The following GRIP1 variants were observed in gnomAD, a reference collection of about 807,000 sequenced individuals.
GRIP1 encodes glutamate receptor-interacting protein 1.
In GRIP1, 45 loss-of-function variants were observed where a neutral mutation model predicts 129.9. The ratio of observed to expected loss-of-function variants is 0.35; its 90% CI spans 0.27 to 0.44. The LOEUF is 0.44. Ranked by LOEUF, GRIP1 falls within the 20% of genes least tolerant of loss-of-function variation. The pLI, the probability that GRIP1 is intolerant of heterozygous loss-of-function variation, is 1.00. For synonymous variants in GRIP1, 530 were observed against 520.8 expected, an observed-to-expected ratio of 1.02 and a Z score of -0.24; for missense variants, 1,196 against 1,396.8, an observed-to-expected ratio of 0.86 and a Z score of 2.29.
intron 1 of GRIP1, among the ~76,000 whole-genome samples, chr12:66,669,557 C>A (rs1592723726): frequency 1.3e-5 from 2 of 152,204 alleles, no homozygotes; most frequent in East Asian, 3.9e-4. Context: ...TACAGATAAA[C>A]AAAGAATTAT....
intron 1 of GRIP1, among the ~76,000 whole-genome samples, chr12:66,860,496 T>C (rs1486541414): frequency 6.6e-6 from 1 of 152,096 alleles, no homozygotes; most frequent in Non-Finnish European, 1.5e-5. Flanking sequence ...TCTTCACATT[T>C]GAAAGGAAAT....
At chr12:66,994,910 G>A (rs1181855610) in intron 1 of GRIP1, among the ~76,000 whole-genome samples, 1 of 152,052 alleles carries the variant, frequency 6.6e-6, no homozygotes, top group Non-Finnish European at 1.5e-5. Context: ...AAAGAAAAAA[G>A]TTGAAGGATT....
chr12:66,437,273 G>T (rs946007084), intron 13 of GRIP1, among the ~76,000 whole-genome samples: 1 of 152,154 alleles, frequency 6.6e-6, no homozygotes, highest in Non-Finnish European at 1.5e-5. Flanking sequence ...GGCTAGAAAG[G>T]ATTTTTCTGA....
intron 2 of GRIP1, among the ~76,000 whole-genome samples, chr12:66,546,389 C>T (rs2061947018): frequency 6.6e-6 from 1 of 151,756 alleles, no homozygotes; most frequent in Non-Finnish European, 1.5e-5. Flanking sequence ...ACTCAGGAGG[C>T]TGAGGCAGTA....
At chr12:66,515,543 A>T in intron 7 of GRIP1, 76 bp downstream of exon 7, 1 of 1,318,710 alleles carries the variant, frequency 7.6e-7, no homozygotes, top group Non-Finnish European at 1.1e-6. Context: ...ATACATACTT[A>T]ATCCAACATG....
At chr12:66,863,980 T>C (rs576541320) in intron 1 of GRIP1, among the ~76,000 whole-genome samples, 1 of 152,110 alleles carries the variant, frequency 6.6e-6, no homozygotes, top group Admixed American at 6.6e-5. Flanking sequence ...CACTAGAAGG[T>C]TTTGAGCAGA....
At chr12:67,011,623 T>G (rs1160543054) in intron 1 of GRIP1, among the ~76,000 whole-genome samples, 1 of 152,000 alleles carries the variant, frequency 6.6e-6, no homozygotes, top group Non-Finnish European at 1.5e-5. Context: ...TTTTTTTTTT[T>G]GTCCTTCAGG....
chr12:66,754,157 A>G (rs893577420), intron 1 of GRIP1, among the ~76,000 whole-genome samples: 6 of 152,192 alleles, frequency 3.9e-5, no homozygotes, highest in African/African-American at 1.4e-4. Flanking sequence ...GATTTTCCAG[A>G]GTAGTTTTAT....
intron 2 of GRIP1, among the ~76,000 whole-genome samples, chr12:66,547,578 A>G (rs540022447): frequency 1.4e-4 from 22 of 152,340 alleles, no homozygotes; most frequent in Admixed American, 9.8e-4. Flanking sequence ...ATACCACGGA[A>G]TACTTCTCAG....
chr12:66,769,852 C>T (rs2037763066), intron 1 of GRIP1, among the ~76,000 whole-genome samples: 1 of 152,124 alleles, frequency 6.6e-6, no homozygotes, highest in African/African-American at 2.4e-5. Flanking sequence ...CTTTCCCATC[C>T]CACCTTGCTG....
chr12:67,059,137 G>A (rs1415716623), intron 1 of GRIP1, among the ~76,000 whole-genome samples: 1 of 152,176 alleles, frequency 6.6e-6, no homozygotes, highest in Admixed American at 6.5e-5. Context: ...ACTAAGACAG[G>A]TGGAACTGAG....
At chr12:66,719,122 C>T (rs2136436592) in intron 1 of GRIP1, among the ~76,000 whole-genome samples, 1 of 151,782 alleles carries the variant, frequency 6.6e-6, no homozygotes, top group East Asian at 1.9e-4. Flanking sequence ...CATATAGAGG[C>T]AAAAAACAAT....
intron 5 of GRIP1, among the ~76,000 whole-genome samples, chr12:66,525,488 T>C (rs1396388450): frequency 6.6e-5 from 10 of 151,908 alleles, no homozygotes; most frequent in Admixed American, 3.3e-4. Flanking sequence ...CAACACTTCA[T>C]GCTAAAAACT....
chr12:66,916,567 T>A (rs1183035027), intron 1 of GRIP1, among the ~76,000 whole-genome samples: 1 of 152,078 alleles, frequency 6.6e-6, no homozygotes, highest in Non-Finnish European at 1.5e-5. Flanking sequence ...AACCTCCAAA[T>A]AAAAAATATT....
chr12:66,907,031 G>A (rs1238081421), intron 1 of GRIP1, among the ~76,000 whole-genome samples: 3 of 152,008 alleles, frequency 2.0e-5, no homozygotes, highest in Admixed American at 1.3e-4. Context: ...TTCTACTATG[G>A]TCCTTCTGTT....
In GRIP1 at chr12:66,401,627, C is replaced by T. The variant is rs866580056; in HGVS notation, c.1984+4656G>A. ...ATATATATACACACACACACACACA[C>T]ACACACACACACACACACACACACA... On this transcript the variant is annotated intron_variant, in intron 16 of 24. Coordinates refer to ENST00000359742, the MANE Select transcript of GRIP1 (RefSeq NM_001366722.1). Among the ~76,000 whole-genome samples, 785 of 136,712 alleles carry T rather than the reference C, an allele frequency of 5.7e-3. 10 individuals are homozygous for T. Among genetic ancestry groups the T allele is most frequent in the South Asian group, 0.016 (70 of 4,300 alleles). 89.7% of individuals were successfully genotyped at this position (136,712 alleles called of 152,430 possible). A position where few individuals can be genotyped will look rare whatever the true frequency, so the allele number is the denominator to read the frequency against.
rs2037304565 is a variant in GRIP1 at position 66,756,810 on chromosome 12, A to G, written c.-420+47243T>C. Among the ~76,000 whole-genome samples the G allele has an allele frequency of 7.9e-5, 12 of 152,328 alleles. No homozygotes were observed. The South Asian group carries it at 2.3e-3, about 29-fold the overall frequency. ...GTTAATCAAGAACTTGTCTGAGACC[A>G]CAGAGCCAATGAATGGCAAAGCTGG... is the stretch of plus-strand genomic sequence containing the variant. On this transcript the variant is annotated intron_variant, in intron 1 of 4. Coordinates refer to the GRIP1 transcript ENST00000538373.
intron 1 of GRIP1, among the ~76,000 whole-genome samples, chr12:66,923,636 C>T (rs2041248801): frequency 6.6e-6 from 1 of 152,210 alleles, no homozygotes; most frequent in Non-Finnish European, 1.5e-5. Flanking sequence ...CTCAAACCCA[C>T]TTGTACTTTT....
At chr12:66,844,564 A>C (rs2137058846) in intron 1 of GRIP1, among the ~76,000 whole-genome samples, 1 of 152,318 alleles carries the variant, frequency 6.6e-6, no homozygotes, top group African/African-American at 2.4e-5. Flanking sequence ...TCTCCTCAAA[A>C]ACTTAAAAGT....
Sources: gnomAD v4.1 joint callset for allele counts (sites outside exome capture counted in the v4.1 genomes callset) on GRCh38, gnomAD v4.1.1 for gene constraint, MANE v1.5 for transcripts, NCBI Gene and HGNC (gene_info 2026-07-23, HGNC 2026-07-21) for gene names.